Variants in MDGA2 observed in about 807,000 individuals in gnomAD.
MDGA2 encodes the protein MAM domain-containing glycosylphosphatidylinositol anchor protein 2.
A neutral mutation model predicts 117.8 loss-of-function variants in MDGA2; 40 were observed. That is an observed-to-expected ratio of 0.34 (90% CI 0.26 to 0.44). The LOEUF (loss-of-function observed/expected upper bound fraction) is 0.44. Ranked by LOEUF, MDGA2 falls within the 20% of genes least tolerant of loss-of-function variation. MDGA2 has a pLI of 1.00. For missense variants in MDGA2, 1,123 were observed against 1,250.6 expected (o/e 0.90, Z 1.54); for synonymous variants, 452 against 439.0 (o/e 1.03, Z -0.37).
chr14:47,161,497 G>A (rs10143613), intron 3 of MDGA2, among the ~76,000 whole-genome samples: 2 of 151,358 alleles, frequency 1.3e-5, no homozygotes, highest in Non-Finnish European at 2.9e-5. Context: ...ATATTAGAAT[G>A]TAAGGTTATA....
intron 7 of MDGA2, among the ~76,000 whole-genome samples, chr14:47,056,579 TC>T (rs1431031687): frequency 6.6e-6 from 1 of 152,132 alleles, no homozygotes; most frequent in African/African-American, 2.4e-5. Flanking sequence ...ATTCCACAGA[TC>T]AGCAGTTTCA....
intron 1 of MDGA2, among the ~76,000 whole-genome samples, chr14:47,303,532 A>C (rs1889349005): frequency 6.6e-6 from 1 of 152,132 alleles, no homozygotes; most frequent in Non-Finnish European, 1.5e-5. Flanking sequence ...CATTTCAGGC[A>C]GTGATCAAAT....
Position 46,920,135 on chromosome 14 carries a change from A to G in MDGA2, c.2115T>C (p.Tyr705=). 1.2e-6 allele frequency: 2 copies of G among 1,609,754 alleles called. No individual in the cohort carries two copies. The highest frequency in any genetic ancestry group is 1.7e-6 in the Non-Finnish European group (2 of 1,178,348). ...VTGKAYAPEF[Y]YDTYNPVWQN... The stretch of plus-strand genomic sequence containing the variant: ...GCCATACTGGATTGTAGGTATCATA[A>G]TAGAATTCTGGAGCATAGGCCTTTC... The change falls in exon 10 of 17, where the codon TAT becomes TAC. Residue 705 remains tyrosine (Y), a synonymous_variant. Coordinates refer to ENST00000399232, the MANE Select transcript of MDGA2 (RefSeq NM_001113498.3).
intron 2 of MDGA2, among the ~76,000 whole-genome samples, chr14:47,233,565 G>A (rs1399011237): frequency 2.0e-5 from 3 of 152,094 alleles, no homozygotes; most frequent in Non-Finnish European, 4.4e-5. Context: ...CATGTGATAT[G>A]TAGTATGAGT....
intron 3 of MDGA2, among the ~76,000 whole-genome samples, chr14:47,160,633 C>G (rs763049977): frequency 1.2e-4 from 19 of 152,230 alleles, no homozygotes; most frequent in Non-Finnish European, 2.5e-4. Context: ...CCACTCCACT[C>G]CATTCTGGAC....
At chr14:47,057,120 T>C (rs1889704962) in intron 7 of MDGA2, among the ~76,000 whole-genome samples, 1 of 152,084 alleles carries the variant, frequency 6.6e-6, no homozygotes, top group Non-Finnish European at 1.5e-5. Flanking sequence ...TAATTATCAC[T>C]TTAATATTCT....
intron 1 of MDGA2, among the ~76,000 whole-genome samples, chr14:47,530,595 A>G (rs1352188402): frequency 6.6e-6 from 1 of 152,010 alleles, no homozygotes; most frequent in East Asian, 1.9e-4. Flanking sequence ...ATCCTCACTA[A>G]ACTTAATAAT....
chr14:47,487,656 G>A (rs1204777823), intron 1 of MDGA2, among the ~76,000 whole-genome samples: 1 of 152,038 alleles, frequency 6.6e-6, no homozygotes, highest in African/African-American at 2.4e-5. Flanking sequence ...AATTATTTGA[G>A]CCTGACATCT....
At chr14:47,343,960 T>C (rs73255903) in intron 1 of MDGA2, among the ~76,000 whole-genome samples, 6,197 of 152,276 alleles carry the variant, frequency 0.041, 172 homozygotes, top group African/African-American at 0.076. Flanking sequence ...TGATTTATCC[T>C]GACTCTTGGA....
At chr14:47,409,995 C>T (rs1892338311) in intron 1 of MDGA2, among the ~76,000 whole-genome samples, 1 of 152,124 alleles carries the variant, frequency 6.6e-6, no homozygotes, top group Admixed American at 6.6e-5. Context: ...CCATAATAAG[C>T]ACCACAATCA....
intron 9 of MDGA2, among the ~76,000 whole-genome samples, chr14:46,920,735 G>A (rs1884095612): frequency 6.6e-6 from 1 of 152,090 alleles, no homozygotes; most frequent in Non-Finnish European, 1.5e-5. Flanking sequence ...CCTAAATTTG[G>A]GGAAAACTAA....
chr14:47,292,505 T>G (rs149944239), intron 2 of MDGA2, among the ~76,000 whole-genome samples: 32 of 152,242 alleles, frequency 2.1e-4, no homozygotes, highest in Admixed American at 1.2e-3. Flanking sequence ...TAGAAGTCCA[T>G]TGATGTCAGT....
intron 3 of MDGA2, among the ~76,000 whole-genome samples, chr14:47,186,886 T>C (rs1388849589): frequency 6.6e-6 from 1 of 151,974 alleles, no homozygotes; most frequent in Non-Finnish European, 1.5e-5. Flanking sequence ...ACCACCCTCT[T>C]TTGACAATCT....
intron 2 of MDGA2, among the ~76,000 whole-genome samples, chr14:47,230,481 A>G (rs1167209334): frequency 2.0e-5 from 3 of 151,984 alleles, no homozygotes; most frequent in African/African-American, 7.2e-5. Context: ...TGGCTTAAGG[A>G]ATATTATAGA....
At chr14:47,221,018 T>C (rs546030281) in intron 2 of MDGA2, among the ~76,000 whole-genome samples, 11 of 152,316 alleles carry the variant, frequency 7.2e-5, no homozygotes, top group African/African-American at 2.2e-4. Context: ...TGTGAGAAGA[T>C]ATAGAAAAGC....
chr14:47,170,130 A>G (rs181629353), intron 3 of MDGA2, among the ~76,000 whole-genome samples: 283 of 152,274 alleles, frequency 1.9e-3, no homozygotes, highest in Middle Eastern at 3.4e-3. Context: ...AAATAAGTTC[A>G]TGCCCTTTAA....
rs774595155 is a variant in MDGA2 at position 47,035,090 on chromosome 14, T to G, written c.1740A>C (p.Gly580=). The change falls in exon 8 of 17, where the codon GGA becomes GGC. Residue 580 remains glycine (G), a synonymous_variant. Transcript: ENST00000399232. The part of the protein sequence containing the change: ...RIVNVSREMS[G]MYRCQTSQYN... ...ATTGGCTGGTCTGACATCTGTACAT[T>G]CCTGACATTTCCCTAGATACATTCA... 1 of 1,614,146 alleles carries G rather than the reference T, an allele frequency of 6.2e-7. No homozygotes were observed. Among genetic ancestry groups the G allele is most frequent in the East Asian group, 2.2e-5 (1 of 44,852 alleles).
intron 3 of MDGA2, among the ~76,000 whole-genome samples, chr14:47,145,347 A>G (rs1200559549): frequency 2.6e-5 from 4 of 152,320 alleles, no homozygotes; most frequent in Middle Eastern, 3.4e-3. Context: ...TAAATTAATA[A>G]TGAATGTTGC....
intron 3 of MDGA2, chr14:47,200,583 G>A (rs1414714688): frequency 1.2e-5 from 13 of 1,045,236 alleles, no homozygotes; most frequent in South Asian, 1.1e-4. Context: ...GCTCAGACCA[G>A]GAGTCCGTGA....
Sources: gnomAD v4.1 joint callset for allele counts (sites outside exome capture counted in the v4.1 genomes callset) on GRCh38, gnomAD v4.1.1 for gene constraint, MANE v1.5 for transcripts, NCBI Gene and HGNC (gene_info 2026-07-23, HGNC 2026-07-21) for gene names.